PDE10A: variants seen among roughly 807,000 people sequenced by gnomAD.
PDE10A encodes phosphodiesterase 10A.
PDE10A carries 39 observed loss-of-function variants against 97.7 expected under a neutral mutation model. That is an observed-to-expected ratio of 0.40 (90% CI 0.31 to 0.52). PDE10A has a LOEUF of 0.52. Ranked by LOEUF, PDE10A falls within the 20% of genes least tolerant of loss-of-function variation. The pLI is 0.56. For synonymous variants in PDE10A, 371 were observed against 376.8 expected (o/e 0.98, Z 0.18); for missense variants, 731 against 1,047.8 (o/e 0.70, Z 4.17).
chr6:165,409,958 C>T (rs912795676), intron 13 of PDE10A, among the ~76,000 whole-genome samples: 2 of 144,594 alleles, frequency 1.4e-5, no homozygotes, highest in Non-Finnish European at 3.0e-5. Flanking sequence ...CAATTAGTGA[C>T]TTAGAAAAGC....
chr6:165,741,448 C>T (rs570201062), intron 1 of PDE10A, among the ~76,000 whole-genome samples: 30 of 152,004 alleles, frequency 2.0e-4, no homozygotes, highest in African/African-American at 6.0e-4. Context: ...TTTTAAAGTC[C>T]GACAAGTCAA....
At chr6:165,484,833 C>T (rs1779808528) in intron 2 of PDE10A, among the ~76,000 whole-genome samples, 2 of 152,110 alleles carry the variant, frequency 1.3e-5, no homozygotes, top group South Asian at 4.1e-4. Flanking sequence ...TTATTTACCA[C>T]TTCCATCTGC....
At chr6:165,554,067 C>T (rs779013756) in intron 1 of PDE10A, among the ~76,000 whole-genome samples, 6 of 152,088 alleles carry the variant, frequency 3.9e-5, no homozygotes, top group Admixed American at 2.0e-4. Flanking sequence ...AGGCACCAGA[C>T]GCTCAAATAT....
intron 1 of PDE10A, among the ~76,000 whole-genome samples, chr6:165,885,847 G>C (rs1205568447): frequency 6.6e-6 from 1 of 152,214 alleles, no homozygotes; most frequent in Non-Finnish European, 1.5e-5. Context: ...ATGTGTGTTG[G>C]AAGGGAAGAC....
At chr6:165,694,919 C>T (rs1395979844) in intron 1 of PDE10A, among the ~76,000 whole-genome samples, 3 of 152,188 alleles carry the variant, frequency 2.0e-5, no homozygotes, top group Admixed American at 6.5e-5. Flanking sequence ...TCATGTCTTC[C>T]GTAGCCTTCA....
chr6:165,731,130 A>G (rs13200749), intron 1 of PDE10A, among the ~76,000 whole-genome samples: 98,671 of 152,194 alleles, frequency 0.65, 32,772 homozygotes, highest in African/African-American at 0.8. Flanking sequence ...GCATCCCAGA[A>G]CTGCCGGAGC....
At chr6:165,948,094 T>C (rs1228464985) in intron 1 of PDE10A, 1 of 152,008 alleles carries the variant, frequency 6.6e-6, no homozygotes, top group African/African-American at 2.4e-5. Flanking sequence ...TATATACACA[T>C]ACATATATAT....
chr6:165,458,307 T>C (rs1778082480), intron 3 of PDE10A, among the ~76,000 whole-genome samples: 1 of 152,128 alleles, frequency 6.6e-6, no homozygotes, highest in African/African-American at 2.4e-5. Flanking sequence ...ACCCCCACTG[T>C]GATGCAATCA....
chr6:165,631,430 T>A (rs916760848), intron 1 of PDE10A, among the ~76,000 whole-genome samples: 2 of 152,218 alleles, frequency 1.3e-5, no homozygotes, highest in African/African-American at 2.4e-5. Context: ...TCAGCATCTA[T>A]CCTGAGAGTA....
intron 2 of PDE10A, among the ~76,000 whole-genome samples, chr6:165,512,037 G>T (rs1273979823): frequency 6.6e-6 from 1 of 151,848 alleles, no homozygotes; most frequent in African/African-American, 2.4e-5. Context: ...AGTTATTATT[G>T]CATGGGAAGT....
chr6:165,877,700 A>C (rs546083591), intron 1 of PDE10A, among the ~76,000 whole-genome samples: 1 of 152,132 alleles, frequency 6.6e-6, no homozygotes, highest in Non-Finnish European at 1.5e-5. Flanking sequence ...ATTTTTTAAT[A>C]ATGAAAACCT....
chr6:165,735,492 GA>G (rs1792553482), intron 1 of PDE10A, among the ~76,000 whole-genome samples: 1 of 152,206 alleles, frequency 6.6e-6, no homozygotes, highest in East Asian at 1.9e-4. Context: ...ATAGGTAGAT[GA>G]AGGTATTTAT....
intron 1 of PDE10A, among the ~76,000 whole-genome samples, chr6:165,925,198 A>G (rs558153410): frequency 6.6e-6 from 1 of 152,346 alleles, no homozygotes; most frequent in African/African-American, 2.4e-5. Context: ...ATGAGATATC[A>G]CTATACACCT....
intron 13 of PDE10A, among the ~76,000 whole-genome samples, chr6:165,398,478 A>ACT (rs61614769): frequency 6.8e-4 from 95 of 139,328 alleles, no homozygotes; most frequent in Middle Eastern, 3.7e-3. Flanking sequence ...ATAGAGCAAG[A>ACT]CTCTCTCTCT....
chr6:165,619,489 C>CTAGTGTAGTG (rs1390531060), intron 1 of PDE10A, among the ~76,000 whole-genome samples: 420 of 27,852 alleles, frequency 0.015, no homozygotes, highest in East Asian at 0.018. Context: ...CTAGTGTAGT[C>CTAGTGTAGTG]TAGTGTAGTC....
intron 9 of PDE10A, 150 bp downstream of exon 9, chr6:165,430,137 C>A: frequency 1.7e-6 from 1 of 590,270 alleles, no homozygotes; most frequent in Non-Finnish European, 3.0e-6. Flanking sequence ...ACTCTACAAT[C>A]CATAATATGA....
chr6:165,536,759 C>T (rs1180654123), intron 2 of PDE10A, among the ~76,000 whole-genome samples: 2 of 151,992 alleles, frequency 1.3e-5, no homozygotes, highest in African/African-American at 4.8e-5. Context: ...GAGATATCAT[C>T]TTACCTCAGT....
chr6:165,645,850 T>C (rs372772687), intron 1 of PDE10A, among the ~76,000 whole-genome samples: 37 of 30,050 alleles, frequency 1.2e-3, no homozygotes, highest in African/African-American at 3.7e-3. Context: ...CAAGACTCCA[T>C]CTCAAAAAAA....
intron 1 of PDE10A, among the ~76,000 whole-genome samples, chr6:165,835,126 G>A (rs1473292583): frequency 2.6e-5 from 4 of 152,168 alleles, no homozygotes; most frequent in East Asian, 3.9e-4. Context: ...GGGAAGGGCC[G>A]TCCTCGGATG....
Sources: gnomAD v4.1 joint callset for allele counts (sites outside exome capture counted in the v4.1 genomes callset) on GRCh38, gnomAD v4.1.1 for gene constraint, MANE v1.5 for transcripts, NCBI Gene and HGNC (gene_info 2026-07-23, HGNC 2026-07-21) for gene names.